MPPED1: variants seen among roughly 807,000 people sequenced by gnomAD.
The protein encoded by MPPED1 is metallophosphoesterase domain-containing protein 1.
MPPED1 carries 16 observed loss-of-function variants against 36.2 expected under a neutral mutation model. That is an observed-to-expected ratio of 0.44 (90% CI 0.30 to 0.67). MPPED1 has a LOEUF of 0.67. Among genes scored for constraint, MPPED1 ranks in the 30% least tolerant of loss-of-function variants. The probability of loss-of-function intolerance (pLI) is 0.10; values close to 1 mark genes in which losing one functional copy is unlikely to be tolerated. For synonymous variants in MPPED1, 199 were observed against 191.3 expected (o/e 1.04, Z -0.33); for missense variants, 307 against 453.4 (o/e 0.68, Z 2.93).
At chr22:43,471,203 C>T (rs544992579) in intron 3 of MPPED1, among the ~76,000 whole-genome samples, 131 of 152,376 alleles carry the variant, frequency 8.6e-4, no homozygotes, top group Non-Finnish European at 1.0e-3. Context: ...CAGTCAAAGA[C>T]ATGACATAAA....
chr22:43,473,019 C>T (rs991519574), intron 3 of MPPED1, among the ~76,000 whole-genome samples: 2 of 152,176 alleles, frequency 1.3e-5, no homozygotes, highest in Admixed American at 1.3e-4. Flanking sequence ...GCACATCTTC[C>T]GAGTCTCAGC....
intron 1 of MPPED1, chr22:43,418,210 G>A: frequency 2.2e-6 from 1 of 455,352 alleles, no homozygotes; most frequent in South Asian, 1.6e-5. Context: ...GAGAGCCGGA[G>A]AGGATGCTGG....
intron 1 of MPPED1, among the ~76,000 whole-genome samples, chr22:43,412,692 T>TCCATCCATCCAC (rs1928947195): frequency 6.6e-6 from 1 of 151,406 alleles, no homozygotes; most frequent in East Asian, 1.9e-4. Context: ...CATCCATCCA[T>TCCATCCATCCAC]CCATCCATCC....
chr22:43,441,208 A>T (rs974622172), intron 3 of MPPED1, among the ~76,000 whole-genome samples: 1 of 152,216 alleles, frequency 6.6e-6, no homozygotes, highest in Non-Finnish European at 1.5e-5. Flanking sequence ...CTATGTAGTA[A>T]GATGAAGCAC....
chr22:43,491,562 G>GTCA, intron 4 of MPPED1, among the ~76,000 whole-genome samples: 1 of 150,440 alleles, frequency 6.6e-6, no homozygotes, highest in Admixed American at 6.6e-5. Flanking sequence ...GGCGGTGGTA[G>GTCA]TGATGGAGGT....
intron 4 of MPPED1, among the ~76,000 whole-genome samples, chr22:43,482,355 C>T (rs896003397): frequency 1.3e-5 from 2 of 152,138 alleles, no homozygotes; most frequent in Non-Finnish European, 2.9e-5. Context: ...CGTTGCTGGG[C>T]GTCTGCGCTC....
intron 1 of MPPED1, among the ~76,000 whole-genome samples, chr22:43,413,358 C>G (rs1384582382): frequency 3.2e-5 from 4 of 125,914 alleles, no homozygotes; most frequent in Admixed American, 1.8e-4. Flanking sequence ...CAGGCACTGT[C>G]AATAATCTGA....
At chr22:43,462,725 T>A (rs1174249485) in intron 3 of MPPED1, among the ~76,000 whole-genome samples, 1 of 152,232 alleles carries the variant, frequency 6.6e-6, no homozygotes. Flanking sequence ...TAGTTTTTCT[T>A]GGAGGCTTAC....
chr22:43,467,176 G>A (rs1931201517), intron 3 of MPPED1, among the ~76,000 whole-genome samples: 1 of 152,228 alleles, frequency 6.6e-6, no homozygotes, highest in Non-Finnish European at 1.5e-5. Flanking sequence ...GGTAGAGATG[G>A]AAGTCAGGCT....
rs868213261 is a variant in MPPED1, at chr22:43,496,019, G to A, written c.633-2216G>A. 3.6e-3 allele frequency among the ~76,000 whole-genome samples: 268 copies of A among 75,092 alleles called. 1 individual carries two copies. The highest frequency in any genetic ancestry group is 6.9e-3 in the Middle Eastern group (1 of 144). The allele number at this position is 75,092 out of a possible 152,430, so 49.3% of individuals were successfully genotyped here. On this transcript the variant is annotated intron_variant, in intron 4 of 6. Coordinates refer to ENST00000443721, the MANE Select transcript of MPPED1 (RefSeq NM_001044370.2). ...GGTGGTGGAGATGGTGGTGGTGGAG[G>A]TGGTGATGGTGGAGGTGGTGGTGGT... is the stretch of plus-strand genomic sequence containing the variant.
chr22:43,423,399 C>T (rs886324685), intron 1 of MPPED1, among the ~76,000 whole-genome samples: 9 of 152,184 alleles, frequency 5.9e-5, no homozygotes, highest in Non-Finnish European at 1.2e-4. Flanking sequence ...GTAGCACCTG[C>T]AGGGAGAGCC....
intron 4 of MPPED1, among the ~76,000 whole-genome samples, chr22:43,495,835 A>G (rs866504938): frequency 0.21 from 561 of 2,654 alleles, no homozygotes; most frequent in Non-Finnish European, 0.25. Context: ...TGGTGGAGGT[A>G]GTGGTGGTGG....
At chr22:43,418,094 C>T (rs538020141) in intron 1 of MPPED1, 11 of 456,258 alleles carry the variant, frequency 2.4e-5, no homozygotes, top group Admixed American at 9.4e-5. Flanking sequence ...AAAGAGCTGC[C>T]GATGAATGGA....
intron 3 of MPPED1, among the ~76,000 whole-genome samples, chr22:43,448,164 C>T (rs1930429990): frequency 6.6e-6 from 1 of 152,146 alleles, no homozygotes; most frequent in Non-Finnish European, 1.5e-5. Flanking sequence ...GCTGGGATTA[C>T]AGGCGTAAGC....
chr22:43,504,881 G>A (rs199885953), intron 6 of MPPED1, among the ~76,000 whole-genome samples: 1 of 150,218 alleles, frequency 6.7e-6, no homozygotes, highest in African/African-American at 2.4e-5. Context: ...GGTGGTGGTG[G>A]TGATGATAAG....
intron 2 of MPPED1, among the ~76,000 whole-genome samples, chr22:43,434,180 T>C (rs1195077305): frequency 2.6e-5 from 4 of 152,212 alleles, no homozygotes; most frequent in African/African-American, 9.6e-5. Flanking sequence ...TAAAATGTTA[T>C]TTTTGCTCAG....
At chr22:43,445,881 TTTTC>T (rs1256919841) in intron 3 of MPPED1, among the ~76,000 whole-genome samples, 2 of 7,740 alleles carry the variant, frequency 2.6e-4, no homozygotes, top group Admixed American at 1.3e-3. Context: ...GGTGTTTACA[TTTTC>T]TTTTTTTTTT....
intron 3 of MPPED1, among the ~76,000 whole-genome samples, chr22:43,443,824 T>C (rs1254193485): frequency 6.6e-6 from 1 of 152,168 alleles, no homozygotes; most frequent in Non-Finnish European, 1.5e-5. Context: ...GATTGAATAT[T>C]TTAAAAATAA....
At chr22:43,476,167 T>C (rs1304585552) in intron 4 of MPPED1, among the ~76,000 whole-genome samples, 1 of 152,130 alleles carries the variant, frequency 6.6e-6, no homozygotes, top group Non-Finnish European at 1.5e-5. Context: ...CTATAAACCT[T>C]ATCTCTAATC....
Sources: allele counts gnomAD v4.1 joint callset (sites outside exome capture counted in the v4.1 genomes callset), GRCh38; gene constraint gnomAD v4.1.1; transcripts MANE v1.5; gene names NCBI Gene and HGNC (gene_info 2026-07-23, HGNC 2026-07-21).